Variants in DLGAP2 observed in about 807,000 individuals in gnomAD.
The protein encoded by DLGAP2 is disks large-associated protein 2.
DLGAP2 carries 26 observed loss-of-function variants against 100.3 expected under a neutral mutation model. The ratio of observed to expected loss-of-function variants is 0.26; its 90% CI spans 0.19 to 0.36. The LOEUF (loss-of-function observed/expected upper bound fraction) is 0.36, where lower values mean the gene tolerates loss of function less well. Among genes scored for constraint, DLGAP2 ranks in the 10% least tolerant of loss-of-function variants. The pLI, the probability that DLGAP2 is intolerant of heterozygous loss-of-function variation, is 1.00. For synonymous variants in DLGAP2, 886 were observed against 630.1 expected (o/e 1.41, Z -6.08); for missense variants, 1,858 against 1,453.2 (o/e 1.28, Z -4.53).
chr8:1,154,921 A>G (rs1390725104), intron 2 of DLGAP2, among the ~76,000 whole-genome samples: 2 of 152,098 alleles, frequency 1.3e-5, no homozygotes, highest in East Asian at 1.9e-4. Context: ...TACAGGAACC[A>G]TGTCTCTCTT....
intron 5 of DLGAP2, among the ~76,000 whole-genome samples, chr8:1,553,590 G>T (rs1801855501): frequency 6.6e-6 from 1 of 152,190 alleles, no homozygotes; most frequent in South Asian, 2.1e-4. Flanking sequence ...AGGGGAGGGG[G>T]TGCGATGAAA....
At chr8:901,082 A>G (rs1317400250) in intron 1 of DLGAP2, among the ~76,000 whole-genome samples, 4 of 152,184 alleles carry the variant, frequency 2.6e-5, no homozygotes, top group African/African-American at 9.7e-5. Flanking sequence ...CATGAGGCCA[A>G]GAGTTTGTGA....
chr8:1,091,964 C>T (rs995229567), intron 2 of DLGAP2, among the ~76,000 whole-genome samples: 3 of 152,202 alleles, frequency 2.0e-5, no homozygotes, highest in African/African-American at 7.2e-5. Flanking sequence ...TCGTCTGCCA[C>T]TTCTGCCCCA....
At chr8:1,128,902 A>G (rs1796228690) in intron 2 of DLGAP2, among the ~76,000 whole-genome samples, 1 of 152,294 alleles carries the variant, frequency 6.6e-6, no homozygotes, top group East Asian at 1.9e-4. Context: ...GTTAACCTGG[A>G]TGGAAGCATC....
intron 6 of DLGAP2, among the ~76,000 whole-genome samples, chr8:1,589,924 C>T (rs936046383): frequency 5.3e-5 from 8 of 152,200 alleles, no homozygotes; most frequent in African/African-American, 1.9e-4. Flanking sequence ...GCTGCCATAA[C>T]AAAGTACCAC....
At chr8:1,681,641 C>T (rs915856193) in intron 12 of DLGAP2, among the ~76,000 whole-genome samples, 1 of 152,078 alleles carries the variant, frequency 6.6e-6, no homozygotes, top group African/African-American at 2.4e-5. Context: ...AAGACCCTGT[C>T]TCAAAAAAGA....
intron 6 of DLGAP2, among the ~76,000 whole-genome samples, chr8:1,569,699 C>T (rs1382240057): frequency 2.6e-5 from 4 of 152,232 alleles, no homozygotes; most frequent in African/African-American, 7.2e-5. Flanking sequence ...AAACATGACT[C>T]AGGGAAATGA....
At position 1,638,716 on chromosome 8, in the gene DLGAP2, G is replaced by T. The variant is rs1016462553; in HGVS notation, c.1810+5670G>T. ...TTAAGAGGCCTCCTGCCCCAGCCGT[G>T]GATGAGGCCCAGAAAGCCAGCATGC... On this transcript the variant is annotated intron_variant, in intron 8 of 14. Coordinates refer to ENST00000637795, the MANE Select transcript of DLGAP2 (RefSeq NM_001346810.2). 5.3e-5 allele frequency among the ~76,000 whole-genome samples: 8 copies of T among 152,238 alleles called. No homozygotes were observed. The East Asian group carries it at 5.8e-4, about 11-fold the overall frequency.
At chr8:1,351,223 T>C (rs371863872) in intron 3 of DLGAP2, among the ~76,000 whole-genome samples, 5 of 62,790 alleles carry the variant, frequency 8.0e-5, no homozygotes, top group East Asian at 6.5e-4. Context: ...CCTGACTGTG[T>C]GTGGAAAGGC....
chr8:1,392,777 T>C (rs191256128), intron 3 of DLGAP2, among the ~76,000 whole-genome samples: 79 of 149,428 alleles, frequency 5.3e-4, no homozygotes, highest in African/African-American at 2.0e-3. Flanking sequence ...CTGTGTTCTT[T>C]CTTCGGGATA....
At chr8:1,012,053 T>C (rs771466856) in intron 2 of DLGAP2, among the ~76,000 whole-genome samples, 1 of 152,232 alleles carries the variant, frequency 6.6e-6, no homozygotes, top group Non-Finnish European at 1.5e-5. Flanking sequence ...TGCAAACACA[T>C]GCCAGGTCCT....
intron 2 of DLGAP2, among the ~76,000 whole-genome samples, chr8:1,095,473 G>A (rs761863468): frequency 2.0e-5 from 3 of 152,166 alleles, no homozygotes; most frequent in Non-Finnish European, 4.4e-5. Flanking sequence ...GAGCACAGGG[G>A]TTTTTGGGTG....
intron 2 of DLGAP2, among the ~76,000 whole-genome samples, chr8:1,166,357 T>C (rs1797016023): frequency 6.6e-6 from 1 of 152,220 alleles, no homozygotes; most frequent in Non-Finnish European, 1.5e-5. Context: ...CGACATCTCC[T>C]TGAAGATGTA....
At chr8:1,000,356 C>T (rs991872533) in intron 2 of DLGAP2, among the ~76,000 whole-genome samples, 38 of 150,088 alleles carry the variant, frequency 2.5e-4, no homozygotes, top group Admixed American at 1.7e-3. Context: ...TTTTCTTTCG[C>T]ACTGGATTTT....
chr8:818,648 C>G (rs981089328), intron 1 of DLGAP2, among the ~76,000 whole-genome samples: 2 of 152,206 alleles, frequency 1.3e-5, no homozygotes, highest in Non-Finnish European at 2.9e-5. Flanking sequence ...TGCCTCCTAT[C>G]TGTCATCTTA....
chr8:1,229,336 A>G (rs1798485378), intron 2 of DLGAP2, among the ~76,000 whole-genome samples: 1 of 151,988 alleles, frequency 6.6e-6, no homozygotes, highest in Non-Finnish European at 1.5e-5. Context: ...GGTGGAATTC[A>G]AGTATGAATC....
rs1184419636 is a variant in DLGAP2 at position 1,417,670 on chromosome 8, C to T, written c.107-83696C>T. Among the ~76,000 whole-genome samples the T allele has an allele frequency of 7.1e-3, 964 of 135,316 alleles. 54 individuals carry two copies. Among genetic ancestry groups the T allele is most frequent in the African/African-American group, 0.01 (348 of 33,412 alleles). 88.8% of individuals were successfully genotyped at this position (135,316 alleles called of 152,430 possible). ...GGAGCCCCACTCCTGCCTCACTCCG[C>T]GAGGCTCCAGGGGGGCACAGGGGGC... On this transcript the variant is annotated intron_variant, in intron 3 of 14. Coordinates refer to ENST00000637795, the MANE Select transcript of DLGAP2 (RefSeq NM_001346810.2).
chr8:1,033,370 G>C (rs1436985910), intron 2 of DLGAP2, among the ~76,000 whole-genome samples: 1 of 152,156 alleles, frequency 6.6e-6, no homozygotes, highest in African/African-American at 2.4e-5. Flanking sequence ...GAAGAATAAA[G>C]GCTTAGCTGG....
At chr8:1,565,918 C>A in intron 6 of DLGAP2, 24 bp downstream of exon 6, 2 of 1,555,418 alleles carry the variant, frequency 1.3e-6, no homozygotes, top group Non-Finnish European at 1.7e-6. Flanking sequence ...GCTGCCTTCC[C>A]ACTCCAAGCA....
Sources: allele counts gnomAD v4.1 joint callset (sites outside exome capture counted in the v4.1 genomes callset), GRCh38; gene constraint gnomAD v4.1.1; transcripts MANE v1.5; gene names NCBI Gene and HGNC (gene_info 2026-07-23, HGNC 2026-07-21).